The following ZNF506 variants were observed in gnomAD, a reference collection of about 807,000 sequenced individuals.
ZNF506 encodes zinc finger protein 506.
Under a neutral mutation model 11.6 loss-of-function variants are expected in ZNF506, and 10 were observed. The ratio of observed to expected loss-of-function variants is 0.86; its 90% CI spans 0.53 to 1.46. The LOEUF (loss-of-function observed/expected upper bound fraction) is 1.46. Ranked by LOEUF, ZNF506 falls within the 40% of genes most tolerant of loss-of-function variation. The pLI is 0.00. For synonymous variants in ZNF506, 156 were observed against 173.3 expected (o/e 0.90, Z 0.78); for missense variants, 425 against 521.2 (o/e 0.82, Z 1.80).
intron 3 of ZNF506, among the ~76,000 whole-genome samples, chr19:19,804,263 G>A (rs1490042809): frequency 6.6e-6 from 1 of 152,152 alleles, no homozygotes; most frequent in Non-Finnish European, 1.5e-5. Flanking sequence ...CCACCAAAAA[G>A]TGGGCAAAGG....
intron 1 of ZNF506, among the ~76,000 whole-genome samples, chr19:19,808,740 G>C (rs2062858747): frequency 6.7e-6 from 1 of 149,372 alleles, no homozygotes; most frequent in Admixed American, 6.7e-5. Flanking sequence ...CTACTTGGGA[G>C]GCTAAGGCAG....
At chr19:19,812,562 T>G (rs998947574) in intron 1 of ZNF506, among the ~76,000 whole-genome samples, 1 of 152,236 alleles carries the variant, frequency 6.6e-6, no homozygotes, top group Admixed American at 6.5e-5. Context: ...TCCTGGAGCC[T>G]CTGACCTCAC....
At chr19:19,808,241 A>T (rs918898438) in intron 1 of ZNF506, among the ~76,000 whole-genome samples, 1 of 145,416 alleles carries the variant, frequency 6.9e-6, no homozygotes, top group Non-Finnish European at 1.5e-5. Flanking sequence ...CTCCTGCCTC[A>T]GCCTCCCGAG....
intron 1 of ZNF506, among the ~76,000 whole-genome samples, chr19:19,807,788 G>A (rs2062847002): frequency 6.6e-6 from 1 of 152,078 alleles, no homozygotes; most frequent in South Asian, 2.1e-4. Context: ...GATTATAGGC[G>A]TGAGCCACCG....
rs2062729964 is a variant in ZNF506, at chr19:19,795,209, C to A, written c.678G>T (p.Glu226Asp). 6.2e-7 allele frequency: 1 copy of A among 1,613,754 alleles called. No homozygotes were observed. The highest frequency in any genetic ancestry group is 1.7e-5 in the Admixed American group (1 of 60,004). The stretch of plus-strand genomic sequence containing the variant: ...CACATTCTTCACATTTGTAGGGTTT[C>A]TCTCCAGTATGAATTTTCTTATGTG... The part of the protein sequence containing the change: ...LTTHKKIHTG[E>D]KPYKCEECGK... Residue 226 changes from glutamate (E) to aspartate (D), a missense_variant, in exon 4 of 4, where the codon GAG becomes GAT. By Grantham distance (45) the Glu-to-Asp change is conservative. Coordinates refer to ENST00000540806, the MANE Select transcript of ZNF506 (RefSeq NM_001099269.3).
At chr19:19,821,226 A>T (rs113134267) in intron 1 of ZNF506, among the ~76,000 whole-genome samples, 11,902 of 152,132 alleles carry the variant, frequency 0.078, 766 homozygotes, top group African/African-American at 0.17. Context: ...GAGAAAAGAG[A>T]AACTGTGAAC....
chr19:19,815,296 C>A (rs1323799125), intron 1 of ZNF506, among the ~76,000 whole-genome samples: 1 of 151,660 alleles, frequency 6.6e-6, no homozygotes, highest in Non-Finnish European at 1.5e-5. Flanking sequence ...ACAAAAAATA[C>A]CATTGTGAGG....
At chr19:19,795,695 G>A in intron 3 of ZNF506, 35 bp from the exon 4 acceptor site, 1 of 1,470,500 alleles carries the variant, frequency 6.8e-7, no homozygotes, top group Non-Finnish European at 9.0e-7. Context: ...GACTTCAATT[G>A]CTAGACTCAG....
rs571913735 is a variant in ZNF506, at chr19:19,795,907, T to C, written c.227-247A>G. The C allele has an allele frequency of 1.6e-3, 680 of 437,630 alleles. 2 individuals are homozygous for C. The highest frequency in any genetic ancestry group is 5.8e-3 in the Middle Eastern group (15 of 2,576). The allele number at this position is 437,630 out of a possible 1,614,324, so 27.1% of individuals were successfully genotyped here. ...GGTGAGCACAATGCAAAGAGCCACA[T>C]AGAAAAATAGAAAAAAAGAAAAGTC... On this transcript the variant is annotated intron_variant, in intron 3 of 3. Coordinates refer to ENST00000540806, the MANE Select transcript of ZNF506 (RefSeq NM_001099269.3).
intron 3 of ZNF506, among the ~76,000 whole-genome samples, chr19:19,803,687 C>T (rs1052002339): frequency 2.0e-5 from 3 of 151,024 alleles, no homozygotes; most frequent in Non-Finnish European, 4.4e-5. Context: ...TCTCATCACA[C>T]TAAGGGCCCA....
chr19:19,819,893 T>C (rs550687258), intron 1 of ZNF506, among the ~76,000 whole-genome samples: 2 of 152,194 alleles, frequency 1.3e-5, no homozygotes, highest in African/African-American at 4.8e-5. Context: ...GGTCAAGAGA[T>C]AGAGACCACC....
chr19:19,799,146 A>C (rs10401847), intron 3 of ZNF506: 11,342 of 263,528 alleles, frequency 0.043, 953 homozygotes, highest in African/African-American at 0.2. Flanking sequence ...TAATTCATGG[A>C]AACCTATGAC....
rs1219779199 is a variant in ZNF506 at position 19,792,890 on chromosome 19, AATAT to A, written c.*1658_*1661del. 6.6e-6 allele frequency among the ~76,000 whole-genome samples: 1 copy of A among 151,844 alleles called. No individual in the cohort carries two copies. The highest frequency in any genetic ancestry group is 1.9e-4 in the East Asian group (1 of 5,200). ...AGAACCCCCACCTTATACATTACTT[AATAT>A]AAGTTAACTACAAAGAGCCTCTCCA... On this transcript the variant is annotated 3_prime_UTR_variant, in exon 4 of 4. Coordinates refer to ENST00000540806, the MANE Select transcript of ZNF506 (RefSeq NM_001099269.3).
intron 3 of ZNF506, among the ~76,000 whole-genome samples, chr19:19,803,632 T>C (rs1039839944): frequency 1.3e-5 from 2 of 152,220 alleles, no homozygotes; most frequent in African/African-American, 4.8e-5. Flanking sequence ...CCCAGCAGCC[T>C]TGTGACCAAG....
rs780018302 is a variant in ZNF506, at chr19:19,821,723, T to C, written c.-120A>G. ...GGCACAGAGCAGTGAAGACGATAGCTGGATCTCTGGCGTCAGCGAGAGACA... is the reference window on the plus strand; with the variant it reads ...GGCACAGAGCAGTGAAGACGATAGCCGGATCTCTGGCGTCAGCGAGAGACA... On this transcript the variant is annotated 5_prime_UTR_variant, in exon 1 of 4. Coordinates refer to ENST00000540806, the MANE Select transcript of ZNF506 (RefSeq NM_001099269.3). The C allele has an allele frequency of 5.3e-6, 7 of 1,322,854 alleles. No individual in the cohort carries two copies. The highest frequency in any genetic ancestry group is 1.5e-5 in the African/African-American group (1 of 68,920). 81.9% of individuals were successfully genotyped at this position (1,322,854 alleles called of 1,614,324 possible). A position where few individuals can be genotyped will look rare whatever the true frequency, so the allele number is the denominator to read the frequency against.
At chr19:19,808,374 C>T (rs1480627426) in intron 1 of ZNF506, among the ~76,000 whole-genome samples, 9 of 150,270 alleles carry the variant, frequency 6.0e-5, no homozygotes, top group African/African-American at 1.5e-4. Context: ...CCGCCCGCCT[C>T]GGCCTCCCAA....
intron 1 of ZNF506, among the ~76,000 whole-genome samples, chr19:19,807,800 G>A (rs1048060332): frequency 3.9e-5 from 6 of 151,986 alleles, no homozygotes; most frequent in African/African-American, 1.5e-4. Flanking sequence ...GAGCCACCGC[G>A]CCCGGTCAAT....
At chr19:19,817,831 CTTT>C (rs35321486) in intron 1 of ZNF506, among the ~76,000 whole-genome samples, 5 of 127,626 alleles carry the variant, frequency 3.9e-5, no homozygotes, top group Admixed American at 8.0e-5. Flanking sequence ...TTTTAAGGTG[CTTT>C]TTTTTTTTTT....
At chr19:19,800,978 T>C (rs955025070) in intron 3 of ZNF506, among the ~76,000 whole-genome samples, 2 of 149,076 alleles carry the variant, frequency 1.3e-5, no homozygotes, top group African/African-American at 4.9e-5. Flanking sequence ...CTGACCAACA[T>C]GGTAAAACCC....
Sources: allele counts gnomAD v4.1 joint callset (sites outside exome capture counted in the v4.1 genomes callset), GRCh38; gene constraint gnomAD v4.1.1; transcripts MANE v1.5; gene names NCBI Gene and HGNC (gene_info 2026-07-23, HGNC 2026-07-21).